The following DGKA variants were observed in gnomAD, a reference collection of about 807,000 sequenced individuals.
DGKA encodes 80 kDa diacylglycerol kinase.
Under a neutral mutation model 105.0 loss-of-function variants are expected in DGKA, and 35 were observed. The ratio of observed to expected loss-of-function variants is 0.33; its 90% CI spans 0.25 to 0.44. DGKA has a LOEUF of 0.44. DGKA is among the 20% of genes least tolerant of loss of function. DGKA has a pLI of 1.00. For synonymous variants in DGKA, 296 were observed against 332.0 expected (o/e 0.89, Z 1.18); for missense variants, 665 against 915.0 (o/e 0.73, Z 3.53).
intron 16 of DGKA, 36 bp from the exon 17 acceptor site, chr12:55,942,138 A>T (rs760893747): frequency 2.2e-5 from 35 of 1,613,878 alleles, no homozygotes; most frequent in Non-Finnish European, 2.7e-5. Context: ...TTGCAGAGCT[A>T]ACTCACTCCA....
chr12:55,942,083 G>A lies in DGKA; in HGVS notation c.1336G>A (p.Asp446Asn). 1 of 1,614,098 alleles carries A rather than the reference G, an allele frequency of 6.2e-7. No individual in the cohort carries two copies. The highest frequency in any genetic ancestry group is 8.5e-7 in the Non-Finnish European group (1 of 1,180,004). ...GTVGWILETI[D>N]KANLPVLPPV... ...AGTAGGCTGGATTCTAGAGACCATTGGTCAGTGCAGGGAGGGGCGTGGGGA... is the reference window on the plus strand; with the variant it reads ...AGTAGGCTGGATTCTAGAGACCATTAGTCAGTGCAGGGAGGGGCGTGGGGA... Residue 446 changes from aspartate (D) to asparagine (N), a missense_variant and splice_region_variant, in exon 16 of 24, where the codon GAC (aspartate) becomes AAC (asparagine). Transcript: ENST00000331886.
chr12:55,935,867 G>A (rs1047193809), intron 1 of DGKA: 1 of 986,084 alleles, frequency 1.0e-6, no homozygotes, highest in East Asian at 1.1e-4. Flanking sequence ...CGTGGCGTGG[G>A]TGGCTCGGGG....
intron 17 of DGKA, among the ~76,000 whole-genome samples, chr12:55,951,341 C>A (rs2136408341): frequency 6.6e-6 from 1 of 152,254 alleles, no homozygotes; most frequent in South Asian, 2.1e-4. Context: ...CATTTGTCAC[C>A]CATCTTTTTC....
In DGKA at chr12:55,939,300, G is replaced by A; in HGVS notation, c.589G>A (p.Glu197Lys). 1 of 1,613,960 alleles carries A rather than the reference G, an allele frequency of 6.2e-7. No homozygotes were observed. The highest frequency in any genetic ancestry group is 8.5e-7 in the Non-Finnish European group (1 of 1,179,874). ...GCCACTGCTAGTGCTGCTGGGTCTGGAGATGGTGAGTAGGAGAGACTTTGG... is the reference window on the plus strand; with the variant it reads ...GCCACTGCTAGTGCTGCTGGGTCTGAAGATGGTGAGTAGGAGAGACTTTGG... ...TVPLLVLLGL[E>K]MTLKDDGQHM... Residue 197 changes from glutamate (E) to lysine (K), a missense_variant, in exon 8 of 24, where the codon GAG becomes AAG. By Grantham distance (56) the Glu-to-Lys change is moderately conservative. Transcript: ENST00000331886.
chr12:55,941,062 G>A (rs1176583565), intron 13 of DGKA, 82 bp downstream of exon 13: 1 of 1,479,008 alleles, frequency 6.8e-7, no homozygotes, highest in Non-Finnish European at 9.3e-7. Context: ...AAGTGGGAGA[G>A]CCTGGTGGGG....
rs759505214 is a variant in DGKA, at chr12:55,936,970, C to T, written c.65-47C>T. On this transcript the variant is annotated intron_variant, in intron 2 of 23. Coordinates refer to ENST00000331886, the MANE Select transcript of DGKA (RefSeq NM_001345.5). Reference sequence around the variant, plus strand: ...CTGCTGGATTTCTCTGGCAAGAGAACTCAGCTGGACTAATAATGCTGTTCT... The same window carrying T: ...CTGCTGGATTTCTCTGGCAAGAGAATTCAGCTGGACTAATAATGCTGTTCT... 53 of 1,524,944 alleles carry T rather than the reference C, an allele frequency of 3.5e-5. 2 individuals carry two copies. In the South Asian group the frequency reaches 5.9e-4, roughly 17 times the overall value. The allele number at this position is 1,524,944 out of a possible 1,614,324, so 94.5% of individuals were successfully genotyped here. A position where few individuals can be genotyped will look rare whatever the true frequency, so the allele number is the denominator to read the frequency against.
intron 1 of DGKA, among the ~76,000 whole-genome samples, chr12:55,933,228 C>A (rs935824519): frequency 2.0e-5 from 3 of 152,186 alleles, no homozygotes; most frequent in Non-Finnish European, 4.4e-5. Context: ...TCTCTCTATG[C>A]CTCAATTTCC....
Position 55,932,648 on chromosome 12 carries a change from T to C in DGKA, c.-82+1304T>C. The C allele has an allele frequency of 1.4e-6, 1 of 700,092 alleles. No individual in the cohort carries two copies. Among genetic ancestry groups the C allele is most frequent in the Non-Finnish European group, 2.6e-6 (1 of 383,500 alleles). 43.4% of individuals were successfully genotyped at this position (700,092 alleles called of 1,614,324 possible). ...CAGACAAGCCCACATCCCCCAACCA[T>C]GCCAGTATCGTAACTTCCTCCTATA... On this transcript the variant is annotated intron_variant, in intron 1 of 23. Coordinates refer to ENST00000331886, the MANE Select transcript of DGKA (RefSeq NM_001345.5). This position sits in a 1 kb window ranked among gnomAD's most constrained non-coding sequence, Gnocchi z 4.3.
intron 22 of DGKA, 63 bp downstream of exon 22, chr12:55,953,223 T>C: frequency 6.2e-7 from 1 of 1,612,302 alleles, no homozygotes; most frequent in Middle Eastern, 1.7e-4. Flanking sequence ...AGAAGGGTCA[T>C]GGGAATGGTG....
intron 9 of DGKA, 104 bp from the exon 10 acceptor site, chr12:55,939,978 C>A: frequency 2.8e-6 from 3 of 1,062,198 alleles, no homozygotes; most frequent in South Asian, 2.6e-5. Context: ...TCTGCTACAC[C>A]CTCAAGCAAG....
chr12:55,936,591 A>G, intron 2 of DGKA, 24 bp downstream of exon 2: 1 of 1,614,088 alleles, frequency 6.2e-7, no homozygotes, highest in Non-Finnish European at 8.5e-7. Context: ...TCAGGCCTTC[A>G]GTTCTGGAGA....
In DGKA at chr12:55,952,816, C is replaced by T; in HGVS notation, c.1826C>T (p.Ser609Phe). 1.2e-6 allele frequency: 2 copies of T among 1,614,144 alleles called. No homozygotes were observed. Among genetic ancestry groups the T allele is most frequent in the Non-Finnish European group, 1.7e-6 (2 of 1,180,034 alleles). The stretch of plus-strand genomic sequence containing the variant: ...AACATCCCTAGCATGCATGGTGGCT[C>T]CAACCTCTGGGGTGATACCAGGAGA... Reference protein sequence around the residue: ...VLNIPSMHGGSNLWGDTRRPH... With the variant: ...VLNIPSMHGGFNLWGDTRRPH... Residue 609 changes from serine to phenylalanine, a missense_variant, in exon 21 of 24, where the codon TCC (serine) becomes TTC (phenylalanine). Ser to Phe is a radical substitution (Grantham distance 155, BLOSUM62 -2). Around this residue, in one of 3 missense-constraint regions of DGKA, gnomAD observed 158 missense variants for 213.4 expected, o/e 0.74. Coordinates refer to ENST00000331886, the MANE Select transcript of DGKA (RefSeq NM_001345.5). This position sits in a 1 kb window ranked among gnomAD's most constrained non-coding sequence, Gnocchi z 5.1.
chr12:55,927,740 C>T (rs763307231), upstream of DGKA: 1 of 1,539,902 alleles, frequency 6.5e-7, no homozygotes, highest in South Asian at 1.2e-5. Flanking sequence ...TCCGTAGCCG[C>T]AGGGCTGCCG....
intron 17 of DGKA, among the ~76,000 whole-genome samples, chr12:55,951,245 C>T (rs974861570): frequency 1.3e-5 from 2 of 152,196 alleles, no homozygotes; most frequent in African/African-American, 4.8e-5. Flanking sequence ...CTGTATAACA[C>T]TGTTTACACA....
intron 2 of DGKA, chr12:55,936,798 C>T: frequency 2.5e-6 from 2 of 810,538 alleles, no homozygotes; most frequent in South Asian, 1.4e-5. Flanking sequence ...GGCTCTCTAC[C>T]CACCTTCGCT....
upstream of DGKA, chr12:55,927,804 C>T (rs1286819411): frequency 2.0e-6 from 3 of 1,533,056 alleles, no homozygotes; most frequent in South Asian, 2.4e-5. Context: ...CGGCCCTGGC[C>T]TGGCTCTGCC....
intron 1 of DGKA, chr12:55,936,005 C>G (rs1181917633): frequency 2.1e-5 from 21 of 989,770 alleles, no homozygotes; most frequent in South Asian, 4.6e-5. Flanking sequence ...GCCGAAGACC[C>G]GAGATGGGAG....
chr12:55,946,344 T>TTTGTTG (rs547976590), intron 17 of DGKA, among the ~76,000 whole-genome samples: 4 of 151,198 alleles, frequency 2.6e-5, no homozygotes, highest in South Asian at 2.1e-4. Context: ...CTAATTTTGT[T>TTTGTTG]TTGTTGTTGT....
chr12:55,945,580 C>T (rs546245345), intron 17 of DGKA, among the ~76,000 whole-genome samples: 3 of 152,212 alleles, frequency 2.0e-5, no homozygotes, highest in Admixed American at 6.5e-5. Context: ...GGGAATAATC[C>T]TTTGCTTTTT....
Sources: gnomAD v4.1 joint callset for allele counts (sites outside exome capture counted in the v4.1 genomes callset) on GRCh38, gnomAD v4.1.1 for gene constraint, gnomAD v4.1.1 regional missense constraint, Gnocchi (gnomAD v3.1) non-coding constraint, MANE v1.5 for transcripts, NCBI Gene and HGNC (gene_info 2026-07-23, HGNC 2026-07-21) for gene names.